Variants in NCALD observed in about 807,000 individuals in gnomAD.
The protein encoded by NCALD is neurocalcin-delta.
In NCALD, 10 loss-of-function variants were observed where a neutral mutation model predicts 18.6. The observed-to-expected ratio is 0.54, with a 90% CI of 0.33 to 0.91. NCALD has a LOEUF of 0.91. Ranked by LOEUF, NCALD falls within the 40% of genes least tolerant of loss-of-function variation. The probability of loss-of-function intolerance (pLI) is 0.03; values close to 1 mark genes in which losing one functional copy is unlikely to be tolerated. For missense variants in NCALD, 184 were observed against 247.6 expected (o/e 0.74, Z 1.72); for synonymous variants, 88 against 87.4 (o/e 1.01, Z -0.04).
chr8:101,810,368 T>C (rs898521741), intron 4 of NCALD, among the ~76,000 whole-genome samples: 4 of 152,308 alleles, frequency 2.6e-5, no homozygotes, highest in African/African-American at 9.6e-5. Flanking sequence ...CTCGTACAGT[T>C]AGACTGAAAG....
At chr8:102,005,942 A>G (rs181525072) in intron 2 of NCALD, among the ~76,000 whole-genome samples, 15 of 152,008 alleles carry the variant, frequency 9.9e-5, no homozygotes, top group Admixed American at 9.2e-4. Context: ...TGACGAGTTA[A>G]TGGGTGCAGC....
At chr8:101,922,698 G>A (rs550994520) in intron 2 of NCALD, among the ~76,000 whole-genome samples, 2 of 152,176 alleles carry the variant, frequency 1.3e-5, no homozygotes, top group South Asian at 2.1e-4. Context: ...TATCCACAGG[G>A]AATATACATT....
intron 2 of NCALD, among the ~76,000 whole-genome samples, chr8:101,961,813 C>G (rs1039835009): frequency 6.6e-6 from 1 of 152,100 alleles, no homozygotes; most frequent in Non-Finnish European, 1.5e-5. Flanking sequence ...TCTACCTCAA[C>G]TCTCTCCCCT....
chr8:102,013,683 T>C (rs1007422573), intron 2 of NCALD, among the ~76,000 whole-genome samples: 6 of 152,134 alleles, frequency 3.9e-5, no homozygotes, highest in African/African-American at 1.2e-4. Context: ...ATTAATGATG[T>C]TGCCAGATGT....
At chr8:101,693,113 A>G in intron 2 of NCALD, 2 of 444,680 alleles carry the variant, frequency 4.5e-6, no homozygotes, top group South Asian at 4.6e-5. Flanking sequence ...AGGAGGGACA[A>G]CCAGCAGGAA....
intron 3 of NCALD, among the ~76,000 whole-genome samples, chr8:101,910,255 C>A (rs915796950): frequency 4.0e-5 from 6 of 151,796 alleles, no homozygotes; most frequent in Non-Finnish European, 5.9e-5. Context: ...GCCCTGAGCA[C>A]TGGGCAGGGC....
intron 4 of NCALD, among the ~76,000 whole-genome samples, chr8:101,807,676 C>A (rs902570890): frequency 5.9e-5 from 9 of 152,128 alleles, no homozygotes; most frequent in African/African-American, 1.9e-4. Flanking sequence ...GAAGCAGACA[C>A]AAAAATCTTC....
chr8:101,771,928 G>A (rs945789881), intron 1 of NCALD, among the ~76,000 whole-genome samples: 1 of 152,172 alleles, frequency 6.6e-6, no homozygotes, highest in Non-Finnish European at 1.5e-5. Context: ...AATAGGCACT[G>A]AGTCGCAATT....
At chr8:101,722,471 A>G (rs1816405596) in intron 1 of NCALD, among the ~76,000 whole-genome samples, 1 of 152,216 alleles carries the variant, frequency 6.6e-6, no homozygotes, top group Non-Finnish European at 1.5e-5. Context: ...GGAGTTCTTT[A>G]GAATATATCT....
intron 1 of NCALD, among the ~76,000 whole-genome samples, chr8:102,094,763 G>A (rs1237629471): frequency 6.6e-6 from 1 of 152,180 alleles, no homozygotes. Context: ...TTCAATGATT[G>A]GTGTCCTTAT....
intron 4 of NCALD, among the ~76,000 whole-genome samples, chr8:101,842,469 G>C (rs1814685354): frequency 6.6e-6 from 1 of 152,234 alleles, no homozygotes; most frequent in Non-Finnish European, 1.5e-5. Flanking sequence ...TAACAAGTCT[G>C]AATATGGGTG....
intron 2 of NCALD, among the ~76,000 whole-genome samples, chr8:102,010,013 C>T (rs978495106): frequency 1.3e-5 from 2 of 152,194 alleles, no homozygotes; most frequent in Admixed American, 6.5e-5. Context: ...GACACTATAT[C>T]GAGGGACTTA....
chr8:101,714,390 C>A (rs1815961994), intron 2 of NCALD, among the ~76,000 whole-genome samples: 1 of 152,128 alleles, frequency 6.6e-6, no homozygotes, highest in Non-Finnish European at 1.5e-5. Flanking sequence ...CTCCCACTCA[C>A]AATTGCTACA....
At chr8:101,698,908 G>A (rs1368780643) in intron 2 of NCALD, among the ~76,000 whole-genome samples, 1 of 151,908 alleles carries the variant, frequency 6.6e-6, no homozygotes, top group Non-Finnish European at 1.5e-5. Context: ...AGCAAAAAAA[G>A]CCAAAACTGA....
chr8:101,719,357 T>C lies in NCALD; in HGVS notation c.273A>G (p.Val91=). The C allele has an allele frequency of 1.2e-6, 2 of 1,614,242 alleles. No homozygotes were observed. The highest frequency in any genetic ancestry group is 1.7e-6 in the Non-Finnish European group (2 of 1,180,038). The change falls in exon 2 of 4, where the codon GTA becomes GTG. Residue 91 remains valine, a synonymous_variant. Coordinates refer to ENST00000220931, the MANE Select transcript of NCALD (RefSeq NM_032041.3). The part of the protein sequence containing the change: ...DFREFIIALS[V]TSRGKLEQKL... Reference sequence around the variant, plus strand: ...TCTGCTCCAGCTTCCCCCTCGAAGTTACACTCAAGGCGATGATGAATTCTC... The same window carrying C: ...TCTGCTCCAGCTTCCCCCTCGAAGTCACACTCAAGGCGATGATGAATTCTC...
intron 4 of NCALD, among the ~76,000 whole-genome samples, chr8:101,873,445 T>A (rs1816101045): frequency 6.6e-6 from 1 of 152,218 alleles, no homozygotes; most frequent in Non-Finnish European, 1.5e-5. Flanking sequence ...TATGGCGGAT[T>A]ATGGTTGTGT....
intron 1 of NCALD, among the ~76,000 whole-genome samples, chr8:101,775,926 T>A (rs1191968168): frequency 6.6e-6 from 1 of 152,176 alleles, no homozygotes; most frequent in Non-Finnish European, 1.5e-5. Context: ...GAATATCCTG[T>A]CTTATACTGT....
chr8:102,085,335 T>G (rs574516348), intron 1 of NCALD, among the ~76,000 whole-genome samples: 1 of 152,032 alleles, frequency 6.6e-6, no homozygotes, highest in Admixed American at 6.6e-5. Flanking sequence ...CATCTGGGAG[T>G]TCCCAGTCAC....
chr8:101,950,923 ATAGGTACC>A (rs1819390652), intron 2 of NCALD, among the ~76,000 whole-genome samples: 1 of 152,232 alleles, frequency 6.6e-6, no homozygotes, highest in Non-Finnish European at 1.5e-5. Context: ...TCAGATGGCA[ATAGGTACC>A]TACAAGTACT....
Sources: gnomAD v4.1 joint callset for allele counts (sites outside exome capture counted in the v4.1 genomes callset) on GRCh38, gnomAD v4.1.1 for gene constraint, MANE v1.5 for transcripts, NCBI Gene and HGNC (gene_info 2026-07-23, HGNC 2026-07-21) for gene names.